EMILIN2: variants seen among roughly 807,000 people sequenced by gnomAD.
The protein encoded by EMILIN2 is elastin microfibril interfacer 2.
A neutral mutation model predicts 87.1 loss-of-function variants in EMILIN2; 71 were observed. That is an observed-to-expected ratio of 0.82 (90% CI 0.67 to 0.99). The LOEUF is 0.99. Ranked by LOEUF, EMILIN2 falls within the 50% of genes least tolerant of loss-of-function variation. The pLI is 0.00. For missense variants in EMILIN2, 1,407 were observed against 1,371.8 expected, an observed-to-expected ratio of 1.03 and a Z score of -0.40; for synonymous variants, 581 against 563.4, an observed-to-expected ratio of 1.03 and a Z score of -0.44.
chr18:2,906,110 G>A (rs1377457861), intron 4 of EMILIN2: 4 of 152,204 alleles, frequency 2.6e-5, no homozygotes, highest in Non-Finnish European at 5.9e-5. Flanking sequence ...CCCGGGTATT[G>A]TCAGGCGTCC....
intron 2 of EMILIN2, among the ~76,000 whole-genome samples, chr18:2,857,266 T>G (rs1437296674): frequency 2.6e-5 from 4 of 152,250 alleles, no homozygotes; most frequent in African/African-American, 9.6e-5. Flanking sequence ...GCTGAGACTT[T>G]GCAGCTTTTC....
intron 2 of EMILIN2, among the ~76,000 whole-genome samples, chr18:2,855,545 G>T (rs7232737): frequency 0.48 from 72,911 of 152,130 alleles, 20,430 homozygotes; most frequent in African/African-American, 0.79. Context: ...TCCACCCACG[G>T]TGGCACGTGG....
intron 2 of EMILIN2, among the ~76,000 whole-genome samples, chr18:2,876,732 C>T (rs1199596616): frequency 6.6e-6 from 1 of 152,056 alleles, no homozygotes; most frequent in African/African-American, 2.4e-5. Flanking sequence ...TGCCACTGCA[C>T]TCCAGCCTGG....
At chr18:2,884,280 C>G (rs1395816481) in intron 2 of EMILIN2, among the ~76,000 whole-genome samples, 2 of 151,882 alleles carry the variant, frequency 1.3e-5, no homozygotes, top group Non-Finnish European at 2.9e-5. Flanking sequence ...TTGAGACAGT[C>G]TCGCTGTGTC....
In EMILIN2 at chr18:2,894,198, G is replaced by C. The variant is rs369898211; in HGVS notation, c.2359+1712G>C. Among the ~76,000 whole-genome samples the C allele has an allele frequency of 1.3e-5, 2 of 152,140 alleles. No homozygotes were observed. The highest frequency in any genetic ancestry group is 4.8e-5 in the African/African-American group (2 of 41,432). Reference sequence around the variant, plus strand: ...AGAACGTGGGAAGCAGGCGAGCTCTGGCTTGGTCAGGGAGAGCCAGGGCCA... The same window carrying C: ...AGAACGTGGGAAGCAGGCGAGCTCTCGCTTGGTCAGGGAGAGCCAGGGCCA... On this transcript the variant is annotated intron_variant, in intron 4 of 7. Transcript: ENST00000254528. This position sits in a 1 kb window ranked among gnomAD's most constrained non-coding sequence, Gnocchi z 5.0.
chr18:2,853,753 C>A (rs1211306716), intron 2 of EMILIN2, among the ~76,000 whole-genome samples: 3 of 152,210 alleles, frequency 2.0e-5, no homozygotes, highest in African/African-American at 7.2e-5. Context: ...CACAGCCGGG[C>A]TGAGCACCCT....
intron 3 of EMILIN2, among the ~76,000 whole-genome samples, chr18:2,887,217 A>C (rs998225664): frequency 4.6e-5 from 7 of 152,156 alleles, no homozygotes; most frequent in Admixed American, 3.3e-4. Flanking sequence ...AAAAACACCA[A>C]AACTTTTCTG....
intron 2 of EMILIN2, among the ~76,000 whole-genome samples, chr18:2,853,177 A>G (rs1476490678): frequency 1.3e-5 from 2 of 152,162 alleles, no homozygotes; most frequent in African/African-American, 4.8e-5. Flanking sequence ...TCCCCTCCTG[A>G]GGTAATTGTT....
chr18:2,860,120 T>C (rs991318429), intron 2 of EMILIN2, among the ~76,000 whole-genome samples: 1 of 152,216 alleles, frequency 6.6e-6, no homozygotes. Context: ...TGGTGTTATT[T>C]TGATGGGAAT....
chr18:2,889,448 T>C (rs1438908602), intron 3 of EMILIN2, among the ~76,000 whole-genome samples: 19 of 152,108 alleles, frequency 1.2e-4, no homozygotes, highest in Admixed American at 1.2e-3. Context: ...GCAGTATTTC[T>C]TGTATCCTGC....
At position 2,882,129 on chromosome 18, in the gene EMILIN2, C is replaced by T. The variant is rs746469542; in HGVS notation, c.258-2835C>T. On this transcript the variant is annotated intron_variant, in intron 2 of 7. Transcript: ENST00000254528. Reference sequence around the variant, plus strand: ...GGATAAGTCGCTTAACCCCATGAGCCTCTGTTTTCTCACTTGTGAAAAGGG... The same window carrying T: ...GGATAAGTCGCTTAACCCCATGAGCTTCTGTTTTCTCACTTGTGAAAAGGG... Among the ~76,000 whole-genome samples the T allele has an allele frequency of 2.0e-5, 3 of 152,200 alleles. No individual in the cohort carries two copies. In the East Asian group the frequency reaches 5.8e-4, roughly 29 times the overall value.
Position 2,892,478 on chromosome 18 carries a change from C to T in EMILIN2, c.2351C>T (p.Pro784Leu), listed in dbSNP as rs768923857. 4.4e-6 allele frequency: 7 copies of T among 1,587,844 alleles called. No homozygotes were observed. The highest frequency in any genetic ancestry group is 1.3e-5 in the African/African-American group (1 of 74,394). Residue 784 changes from proline (P) to leucine (L), a missense_variant, in exon 4 of 8, where the codon CCA becomes CTA. By Grantham distance (98) the Pro-to-Leu change is moderately conservative (BLOSUM62 -3). Transcript: ENST00000254528. ...TTGCAAGATCTGGTCAAATTTCAGCCATCAGCAAGTAAGTTGAATATTACA... is the reference window on the plus strand; with the variant it reads ...TTGCAAGATCTGGTCAAATTTCAGCTATCAGCAAGTAAGTTGAATATTACA... Reference protein sequence around the residue: ...TDLQDLVKFQPSAKAPSPPPP... With the variant: ...TDLQDLVKFQLSAKAPSPPPP...
At chr18:2,883,846 A>G (rs545871544) in intron 2 of EMILIN2, among the ~76,000 whole-genome samples, 1 of 152,390 alleles carries the variant, frequency 6.6e-6, no homozygotes, top group South Asian at 2.1e-4. Flanking sequence ...AAATAGTGTG[A>G]GCTGCCATCT....
intron 3 of EMILIN2, among the ~76,000 whole-genome samples, chr18:2,887,588 T>C (rs1174650849): frequency 1.3e-5 from 2 of 152,164 alleles, no homozygotes; most frequent in Admixed American, 1.3e-4. Context: ...TGTGACACAC[T>C]GGCCCTCTTT....
At position 2,891,520 on chromosome 18, in the gene EMILIN2, G is replaced by A. The variant is rs139208291; in HGVS notation, c.1393G>A (p.Glu465Lys). Residue 465 changes from glutamate (E) to lysine (K), a missense_variant, in exon 4 of 8, where the codon GAA becomes AAA. Coordinates refer to ENST00000254528, the MANE Select transcript of EMILIN2 (RefSeq NM_032048.3). The surrounding 1 kb of genome is among the most constrained non-coding windows in gnomAD (Gnocchi z 4.6). The part of the protein sequence containing the change: ...ARINVTEKNA[E>K]EHCFYIEETL... ...GATCAATGTGACGGAGAAGAACGCTGAAGAACATTGCTTTTACATTGAGGA... is the reference window on the plus strand; with the variant it reads ...GATCAATGTGACGGAGAAGAACGCTAAAGAACATTGCTTTTACATTGAGGA... 1.2e-6 allele frequency: 2 copies of A among 1,614,090 alleles called. No homozygotes were observed. The highest frequency in any genetic ancestry group is 1.7e-6 in the Non-Finnish European group (2 of 1,180,040).
At chr18:2,897,882 C>CT (rs1210076603) in intron 4 of EMILIN2, among the ~76,000 whole-genome samples, 1 of 151,226 alleles carries the variant, frequency 6.6e-6, no homozygotes, top group Non-Finnish European at 1.5e-5. Context: ...AAAAAAAAGC[C>CT]TAGAGATCTC....
intron 2 of EMILIN2, among the ~76,000 whole-genome samples, chr18:2,871,207 G>A (rs1183047489): frequency 3.3e-5 from 5 of 152,162 alleles, no homozygotes; most frequent in Non-Finnish European, 5.9e-5. Context: ...GGAGGGTCAT[G>A]AATGCTTTCA....
intron 2 of EMILIN2, among the ~76,000 whole-genome samples, chr18:2,858,569 A>ATATGTGTG (rs1305555851): frequency 3.6e-5 from 2 of 55,370 alleles, no homozygotes; most frequent in African/African-American, 2.4e-4. Context: ...ATATATATAT[A>ATATGTGTG]TGTGTGTGTG....
At chr18:2,905,506 C>T (rs1227113369) in intron 4 of EMILIN2, among the ~76,000 whole-genome samples, 1 of 152,076 alleles carries the variant, frequency 6.6e-6, no homozygotes. Flanking sequence ...CAATTCTACT[C>T]TTTTATTTAA....
Sources: gnomAD v4.1 joint callset for allele counts (sites outside exome capture counted in the v4.1 genomes callset) on GRCh38, gnomAD v4.1.1 for gene constraint, Gnocchi (gnomAD v3.1) non-coding constraint, MANE v1.5 for transcripts, NCBI Gene and HGNC (gene_info 2026-07-23, HGNC 2026-07-21) for gene names.